The following RTKN2 variants were observed in gnomAD, a reference collection of about 807,000 sequenced individuals.
RTKN2 encodes rhotekin 2, also known as rhotekin-2.
Under a neutral mutation model 71.5 loss-of-function variants are expected in RTKN2, and 69 were observed. The ratio of observed to expected loss-of-function variants is 0.96; its 90% CI spans 0.79 to 1.18. RTKN2 has a LOEUF of 1.18. Among genes scored for constraint, RTKN2 ranks in the 50% most tolerant of loss-of-function variants. RTKN2 has a pLI of 0.00. For missense variants in RTKN2, 724 were observed against 719.7 expected, an observed-to-expected ratio of 1.01 and a Z score of -0.07; for synonymous variants, 236 against 236.5, an observed-to-expected ratio of 1.00 and a Z score of 0.02.
intron 9 of RTKN2, among the ~76,000 whole-genome samples, chr10:62,213,673 A>C (rs1003653902): frequency 6.6e-6 from 1 of 152,132 alleles, no homozygotes. Context: ...TCAGGAATGA[A>C]GTATCATGAT....
chr10:62,229,775 T>G (rs925182801), intron 6 of RTKN2, among the ~76,000 whole-genome samples: 1 of 152,192 alleles, frequency 6.6e-6, no homozygotes, highest in African/African-American at 2.4e-5. Flanking sequence ...TATGTTTAAA[T>G]TTTTTTCTTG....
chr10:62,234,671 T>G (rs1396272593), intron 6 of RTKN2, among the ~76,000 whole-genome samples: 1 of 152,104 alleles, frequency 6.6e-6, no homozygotes, highest in Non-Finnish European at 1.5e-5. Context: ...TGTAGTTGTA[T>G]CCAGAGAGTT....
In RTKN2 at chr10:62,198,548, C is replaced by T. The variant is rs76147967; in HGVS notation, c.1295-105G>A. On this transcript the variant is annotated intron_variant, in intron 11 of 11. Transcript: ENST00000373789. ...CTAGTATGCTATATACAATGGTCAT[C>T]AAAGACTATGATAAGGAAAACGTTC... The T allele has an allele frequency of 1.1e-3, 887 of 834,216 alleles. 6 individuals carry two copies. The African/African-American group carries it at 0.014, about 13-fold the overall frequency. The allele number at this position is 834,216 out of a possible 1,614,324, so 51.7% of individuals were successfully genotyped here.
chr10:62,242,674 C>T (rs763212556), intron 3 of RTKN2, among the ~76,000 whole-genome samples: 4 of 151,488 alleles, frequency 2.6e-5, no homozygotes, highest in African/African-American at 9.7e-5. Flanking sequence ...GGAGTGCAAT[C>T]GTGCGATCTC....
intron 2 of RTKN2, among the ~76,000 whole-genome samples, chr10:62,258,369 C>G (rs1564529686): frequency 6.6e-6 from 1 of 152,170 alleles, no homozygotes; most frequent in Non-Finnish European, 1.5e-5. Context: ...CTTAAAACTT[C>G]TTGCAGAATG....
chr10:62,196,668 T>C lies in RTKN2; in HGVS notation c.*1240A>G. ...AGCAATTTAATTCTTAAATTTTTATTTCTTGCAATGACATTTAGGGTTCAG... is the reference window on the plus strand; with the variant it reads ...AGCAATTTAATTCTTAAATTTTTATCTCTTGCAATGACATTTAGGGTTCAG... On this transcript the variant is annotated 3_prime_UTR_variant, in exon 12 of 12. Coordinates refer to ENST00000373789, the MANE Select transcript of RTKN2 (RefSeq NM_145307.4). The C allele has an allele frequency of 1.0e-6, 1 of 985,210 alleles. No individual in the cohort carries two copies. Among genetic ancestry groups the C allele is most frequent in the Non-Finnish European group, 1.2e-6 (1 of 829,714 alleles). The allele number at this position is 985,210 out of a possible 1,614,324, so 61.0% of individuals were successfully genotyped here.
Position 62,198,042 on chromosome 10 carries a change from T to G in RTKN2, c.1696A>C (p.Arg566=). 3.7e-6 allele frequency: 6 copies of G among 1,614,114 alleles called. No individual in the cohort carries two copies. Among genetic ancestry groups the G allele is most frequent in the Non-Finnish European group, 5.1e-6 (6 of 1,179,976 alleles). The change falls in exon 12 of 12, where the codon AGG becomes CGG. Residue 566 remains arginine (R), a synonymous_variant. Coordinates refer to ENST00000373789, the MANE Select transcript of RTKN2 (RefSeq NM_145307.4). ...MAAPRKLLPA[R]RNRLSDGEHT... ...TCACCATCACTTAATCTATTTCTCC[T>G]GGCAGGCAGAAGTTTTCGAGGAGCA...
chr10:62,214,032 A>G (rs1270470021), intron 9 of RTKN2, among the ~76,000 whole-genome samples: 3 of 152,066 alleles, frequency 2.0e-5, no homozygotes, highest in African/African-American at 7.2e-5. Flanking sequence ...AGCCTGAAGT[A>G]GAAGAACTAC....
intron 6 of RTKN2, among the ~76,000 whole-genome samples, chr10:62,231,137 T>C (rs977277404): frequency 1.3e-5 from 2 of 152,210 alleles, no homozygotes; most frequent in African/African-American, 2.4e-5. Flanking sequence ...TGTAGTATTA[T>C]AAAATGTAGT....
At chr10:62,241,077 C>G in intron 4 of RTKN2, 65 bp downstream of exon 4, 1 of 850,574 alleles carries the variant, frequency 1.2e-6, no homozygotes, top group Non-Finnish European at 1.9e-6. Context: ...AGTCTTTTTT[C>G]TCAATAATCA....
intron 2 of RTKN2, among the ~76,000 whole-genome samples, chr10:62,254,167 C>A (rs1334240867): frequency 1.3e-5 from 2 of 152,086 alleles, no homozygotes; most frequent in Non-Finnish European, 2.9e-5. Context: ...TGTGTCCCAC[C>A]CAAATCTCAT....
Position 62,195,507 on chromosome 10 carries a change from G to A in RTKN2, c.*2401C>T, listed in dbSNP as rs1049420604. The A allele has an allele frequency of 6.5e-5, 55 of 846,044 alleles. No homozygotes were observed. The highest frequency in any genetic ancestry group is 1.3e-4 in the Admixed American group (2 of 15,838). 52.4% of individuals were successfully genotyped at this position (846,044 alleles called of 1,614,324 possible). A position where few individuals can be genotyped will look rare whatever the true frequency, so the allele number is the denominator to read the frequency against. On this transcript the variant is annotated 3_prime_UTR_variant, in exon 12 of 12. Coordinates refer to ENST00000373789, the MANE Select transcript of RTKN2 (RefSeq NM_145307.4). ...GAGAGACAGAAGGAAAGTGGGAAAA[G>A]GGGATGAGACAGAGAGAGAGGACAG...
Position 62,196,995 on chromosome 10 carries a change from C to T in RTKN2, c.*913G>A, listed in dbSNP as rs946307224. 6 of 971,602 alleles carry T rather than the reference C, an allele frequency of 6.2e-6. No individual in the cohort carries two copies. The African/African-American group carries it at 1.1e-4, about 17-fold the overall frequency. The allele number at this position is 971,602 out of a possible 1,614,324, so 60.2% of individuals were successfully genotyped here. Reference sequence around the variant, plus strand: ...TACCACTAGCAGACATCAACTCTTACTAGGAAAAGGAAATCTAATTAAAAT... The same window carrying T: ...TACCACTAGCAGACATCAACTCTTATTAGGAAAAGGAAATCTAATTAAAAT... On this transcript the variant is annotated 3_prime_UTR_variant, in exon 12 of 12. Coordinates refer to ENST00000373789, the MANE Select transcript of RTKN2 (RefSeq NM_145307.4).
chr10:62,235,665 G>GGTGT (rs549300762), intron 6 of RTKN2, among the ~76,000 whole-genome samples: 98 of 75,526 alleles, frequency 1.3e-3, no homozygotes, highest in African/African-American at 4.1e-3. Flanking sequence ...ATATGTATAA[G>GGTGT]GTGTGTGTGT....
chr10:62,207,652 A>G (rs1390826141), intron 9 of RTKN2, among the ~76,000 whole-genome samples: 9 of 152,258 alleles, frequency 5.9e-5, no homozygotes, highest in Non-Finnish European at 8.8e-5. Context: ...TTAGGGTATG[A>G]AAACAAGGAA....
chr10:62,254,034 G>A (rs887879635), intron 2 of RTKN2, among the ~76,000 whole-genome samples: 2 of 152,058 alleles, frequency 1.3e-5, no homozygotes, highest in Admixed American at 6.6e-5. Context: ...GGAGGACACA[G>A]AAACACTATC....
intron 1 of RTKN2, among the ~76,000 whole-genome samples, chr10:62,267,484 G>A (rs1300004755): frequency 6.6e-6 from 1 of 152,078 alleles, no homozygotes; most frequent in Non-Finnish European, 1.5e-5. Context: ...GGACAGGACT[G>A]AAAAAAAGTA....
intron 9 of RTKN2, among the ~76,000 whole-genome samples, chr10:62,208,671 G>A (rs986805980): frequency 3.3e-5 from 5 of 151,882 alleles, no homozygotes; most frequent in Admixed American, 6.6e-5. Context: ...AAACAAACAA[G>A]CAAACAAACA....
Position 62,195,915 on chromosome 10 carries a change from T to C in RTKN2, c.*1993A>G. ...CTCTGAGGGCACAACTGCTAGGTAATTTCTGTATGAATACTTTCTTTTTCT... is the reference window on the plus strand; with the variant it reads ...CTCTGAGGGCACAACTGCTAGGTAACTTCTGTATGAATACTTTCTTTTTCT... On this transcript the variant is annotated 3_prime_UTR_variant, in exon 12 of 12. Coordinates refer to ENST00000373789, the MANE Select transcript of RTKN2 (RefSeq NM_145307.4). 1.0e-6 allele frequency: 1 copy of C among 985,286 alleles called. No homozygotes were observed. Among genetic ancestry groups the C allele is most frequent in the African/African-American group, 1.7e-5 (1 of 57,338 alleles). 61.0% of individuals were successfully genotyped at this position (985,286 alleles called of 1,614,324 possible).
Sources: gnomAD v4.1 joint callset for allele counts (sites outside exome capture counted in the v4.1 genomes callset) on GRCh38, gnomAD v4.1.1 for gene constraint, MANE v1.5 for transcripts, NCBI Gene and HGNC (gene_info 2026-07-23, HGNC 2026-07-21) for gene names.